The following PLB1 variants were observed in gnomAD, a reference collection of about 807,000 sequenced individuals.
The protein encoded by PLB1 is phospholipase B1, also known as phospholipase B1, membrane-associated.
PLB1 carries 242 observed loss-of-function variants against 227.4 expected under a neutral mutation model. The ratio of observed to expected loss-of-function variants is 1.06; its 90% CI spans 0.96 to 1.18. The LOEUF (loss-of-function observed/expected upper bound fraction) is 1.18. PLB1 is among the 50% of genes most tolerant of loss of function. PLB1 has a pLI of 0.00. For synonymous variants in PLB1, 757 were observed against 682.2 expected, an observed-to-expected ratio of 1.11 and a Z score of -1.71; for missense variants, 1,858 against 1,816.3, an observed-to-expected ratio of 1.02 and a Z score of -0.42.
chr2:28,603,750 A>T (rs1399274702), intron 39 of PLB1, among the ~76,000 whole-genome samples: 2 of 152,226 alleles, frequency 1.3e-5, no homozygotes, highest in African/African-American at 2.4e-5. Context: ...GAGGGTGCTC[A>T]TTCCCACACT....
chr2:28,597,418 A>G (rs529459426), intron 33 of PLB1, among the ~76,000 whole-genome samples: 2 of 152,218 alleles, frequency 1.3e-5, no homozygotes, highest in East Asian at 3.9e-4. Flanking sequence ...GTCCTACTCA[A>G]TTTATTAATA....
intron 38 of PLB1, among the ~76,000 whole-genome samples, chr2:28,602,459 G>A (rs1182125511): frequency 1.3e-5 from 2 of 152,250 alleles, no homozygotes; most frequent in South Asian, 2.1e-4. Context: ...TTGAGTCTGC[G>A]TGCCTACTCA....
chr2:28,596,843 G>A (rs571028309), intron 33 of PLB1, among the ~76,000 whole-genome samples: 37 of 152,328 alleles, frequency 2.4e-4, no homozygotes. Flanking sequence ...TTAAGTCCTT[G>A]ACCACTCTGG....
chr2:28,594,528 C>T, intron 33 of PLB1: 1 of 156,746 alleles, frequency 6.4e-6, no homozygotes, highest in Non-Finnish European at 1.4e-5. Context: ...TGCCGCCTCC[C>T]TTTTCTTCTG....
chr2:28,624,021 C>T (rs1687392702), intron 49 of PLB1, among the ~76,000 whole-genome samples: 1 of 152,146 alleles, frequency 6.6e-6, no homozygotes, highest in African/African-American at 2.4e-5. Flanking sequence ...CACTTGAGCT[C>T]AGAGGGGTTG....
At chr2:28,545,148 G>C (rs1483781545) in intron 14 of PLB1, among the ~76,000 whole-genome samples, 1 of 152,190 alleles carries the variant, frequency 6.6e-6, no homozygotes, top group Non-Finnish European at 1.5e-5. Flanking sequence ...AAAGGCCTGC[G>C]ACACAGAGAG....
At chr2:28,552,171 AACCTAG>A (rs1011882441) in intron 16 of PLB1, among the ~76,000 whole-genome samples, 2 of 152,248 alleles carry the variant, frequency 1.3e-5, no homozygotes, top group African/African-American at 4.8e-5. Flanking sequence ...AAGAGAAACT[AACCTAG>A]ACAGGAGAAA....
chr2:28,524,537 G>A (rs1274140540), intron 4 of PLB1, among the ~76,000 whole-genome samples: 1 of 152,166 alleles, frequency 6.6e-6, no homozygotes, highest in Non-Finnish European at 1.5e-5. Context: ...AACACACCCA[G>A]GCACTGTTCT....
chr2:28,551,064 C>A (rs1674170126), intron 16 of PLB1, among the ~76,000 whole-genome samples: 1 of 152,234 alleles, frequency 6.6e-6, no homozygotes. Flanking sequence ...CTGCCCAGCA[C>A]CTCCTGTTCC....
At chr2:28,585,617 C>T (rs1680776086) in intron 25 of PLB1, 144 bp from the exon 26 acceptor site, 2 of 694,528 alleles carry the variant, frequency 2.9e-6, no homozygotes, top group African/African-American at 1.8e-5. Flanking sequence ...GTCAGCAGGT[C>T]AGCCAGCCAG....
At chr2:28,628,681 C>A in intron 52 of PLB1, 53 bp downstream of exon 52, 1 of 1,546,884 alleles carries the variant, frequency 6.5e-7, no homozygotes, top group Non-Finnish European at 8.9e-7. Flanking sequence ...CCCTGGGATG[C>A]ATGTAGGCAG....
intron 1 of PLB1, among the ~76,000 whole-genome samples, chr2:28,502,798 A>C (rs1039800693): frequency 6.6e-6 from 1 of 152,176 alleles, no homozygotes; most frequent in African/African-American, 2.4e-5. Flanking sequence ...TTGTAATAAT[A>C]ATGGATTTTT....
chr2:28,614,724 C>T (rs750393831), intron 44 of PLB1, among the ~76,000 whole-genome samples: 2 of 152,126 alleles, frequency 1.3e-5, no homozygotes, highest in Admixed American at 6.6e-5. Context: ...GGGTTTGACC[C>T]GCAGTTTCAG....
intron 14 of PLB1, 102 bp from the exon 15 acceptor site, chr2:28,548,758 C>T (rs1673708867): frequency 8.9e-7 from 1 of 1,127,756 alleles, no homozygotes; most frequent in Non-Finnish European, 1.3e-6. Flanking sequence ...CTAATGCGTT[C>T]CCTGGTACTG....
At chr2:28,566,876 G>A (rs781439531) in intron 20 of PLB1, 37 bp downstream of exon 20, 6 of 1,612,482 alleles carry the variant, frequency 3.7e-6, no homozygotes, top group Non-Finnish European at 5.1e-6. Context: ...TTTGGTTTGG[G>A]GCGGCCCCTG....
At chr2:28,531,740 G>A (rs28716048) in intron 8 of PLB1, among the ~76,000 whole-genome samples, 60,311 of 152,016 alleles carry the variant, frequency 0.4, 13,513 homozygotes, top group East Asian at 0.78. Flanking sequence ...TTACACAGCA[G>A]TCCCCTCTTT....
At chr2:28,529,262 T>C in intron 6 of PLB1, 55 bp from the exon 7 acceptor site, 2 of 1,279,560 alleles carry the variant, frequency 1.6e-6, no homozygotes, top group Non-Finnish European at 1.1e-6. Flanking sequence ...GGTCAGTCTT[T>C]AGAGGTGGCC....
chr2:28,557,401 T>C (rs1160900222), intron 17 of PLB1, among the ~76,000 whole-genome samples: 2 of 152,142 alleles, frequency 1.3e-5, no homozygotes, highest in African/African-American at 2.4e-5. Flanking sequence ...TTAATGTAAG[T>C]CCCTAAAATC....
intron 43 of PLB1, among the ~76,000 whole-genome samples, chr2:28,610,481 A>T (rs1685285965): frequency 6.6e-6 from 1 of 152,152 alleles, no homozygotes; most frequent in Non-Finnish European, 1.5e-5. Flanking sequence ...GGAATGGGAT[A>T]GAAAACCTCT....
Sources: gnomAD v4.1 joint callset for allele counts (sites outside exome capture counted in the v4.1 genomes callset) on GRCh38, gnomAD v4.1.1 for gene constraint, MANE v1.5 for transcripts, NCBI Gene and HGNC (gene_info 2026-07-23, HGNC 2026-07-21) for gene names.